The following PITPNC1 variants were observed in gnomAD, a reference collection of about 807,000 sequenced individuals.
The protein encoded by PITPNC1 is phosphatidylinositol transfer protein cytoplasmic 1, also known as cytoplasmic phosphatidylinositol transfer protein 1.
PITPNC1 carries 18 observed loss-of-function variants against 44.7 expected under a neutral mutation model. The observed-to-expected ratio is 0.40, with a 90% CI of 0.28 to 0.60. The LOEUF (loss-of-function observed/expected upper bound fraction) is 0.60. Among genes scored for constraint, PITPNC1 ranks in the 20% least tolerant of loss-of-function variants. The pLI is 0.39. For synonymous variants in PITPNC1, 141 were observed against 149.6 expected, an observed-to-expected ratio of 0.94 and a Z score of 0.42; for missense variants, 290 against 418.4, an observed-to-expected ratio of 0.69 and a Z score of 2.68.
intron 5 of PITPNC1, among the ~76,000 whole-genome samples, chr17:67,602,484 G>A (rs1424228348): frequency 6.6e-6 from 1 of 152,162 alleles, no homozygotes; most frequent in Non-Finnish European, 1.5e-5. Context: ...AAAGGAATGA[G>A]GAGGCTGGGC....
At chr17:67,417,981 C>T (rs539573502) in intron 1 of PITPNC1, among the ~76,000 whole-genome samples, 31 of 152,272 alleles carry the variant, frequency 2.0e-4, no homozygotes, top group African/African-American at 7.5e-4. Context: ...GAGGTCCAGG[C>T]TGCAGTGGAC....
At chr17:67,567,357 G>A (rs1248730398) in intron 4 of PITPNC1, among the ~76,000 whole-genome samples, 1 of 152,126 alleles carries the variant, frequency 6.6e-6, no homozygotes, top group African/African-American at 2.4e-5. Flanking sequence ...GGTGGCAGGT[G>A]CCTATAGTCC....
intron 1 of PITPNC1, among the ~76,000 whole-genome samples, chr17:67,422,721 G>T (rs767269538): frequency 1.3e-5 from 2 of 151,964 alleles, no homozygotes; most frequent in Admixed American, 1.3e-4. Flanking sequence ...TGTATTTTTA[G>T]TAGGGATGGG....
In PITPNC1 at chr17:67,693,765, C is replaced by G. The variant is rs2042967748; in HGVS notation, c.*877C>G. ...AGAATTCATTTACTATCTGCCCACT[C>G]AAAGAAGTACAAGGGTAGAGTAAGC... On this transcript the variant is annotated 3_prime_UTR_variant, in exon 9 of 9. Coordinates refer to ENST00000581322, the MANE Select transcript of PITPNC1 (RefSeq NM_012417.4). 1 of 152,184 alleles carries G rather than the reference C, an allele frequency of 6.6e-6. No homozygotes were observed. Among genetic ancestry groups the G allele is most frequent in the Non-Finnish European group, 1.5e-5 (1 of 68,032 alleles). 9.4% of individuals were successfully genotyped at this position (152,184 alleles called of 1,614,324 possible). A position where few individuals can be genotyped will look rare whatever the true frequency, so the allele number is the denominator to read the frequency against.
chr17:67,629,851 C>G (rs963395020), intron 5 of PITPNC1, among the ~76,000 whole-genome samples: 1 of 152,162 alleles, frequency 6.6e-6, no homozygotes, highest in Non-Finnish European at 1.5e-5. Context: ...AGAGCCAATC[C>G]AAGAACCAAT....
In PITPNC1 at chr17:67,378,122, T is replaced by A; in HGVS notation, c.-33T>A. 1 of 1,502,806 alleles carries A rather than the reference T, an allele frequency of 6.7e-7. No individual in the cohort carries two copies. Among genetic ancestry groups the A allele is most frequent in the Non-Finnish European group, 8.9e-7 (1 of 1,119,902 alleles). The allele number at this position is 1,502,806 out of a possible 1,614,324, so 93.1% of individuals were successfully genotyped here. A position where few individuals can be genotyped will look rare whatever the true frequency, so the allele number is the denominator to read the frequency against. ...TGCTGGTCTTGGGGGCGCCCCCCGC[T>A]TCCCGCCCCGGGGGTCCGCGGCCGG... On this transcript the variant is annotated 5_prime_UTR_variant, in exon 1 of 9. Coordinates refer to ENST00000581322, the MANE Select transcript of PITPNC1 (RefSeq NM_012417.4).
intron 2 of PITPNC1, among the ~76,000 whole-genome samples, chr17:67,537,439 AT>A (rs1297525583): frequency 6.6e-6 from 1 of 152,222 alleles, no homozygotes; most frequent in Non-Finnish European, 1.5e-5. Flanking sequence ...AATTTAAAAA[AT>A]TTTTTGTTTA....
At chr17:67,669,391 C>T (rs1041124920) in intron 6 of PITPNC1, 117 bp from the exon 7 acceptor site, 4 of 716,154 alleles carry the variant, frequency 5.6e-6, no homozygotes, top group African/African-American at 5.4e-5. Context: ...GCTGGGATTA[C>T]AGGCGTGAGC....
At chr17:67,636,889 T>G (rs999528875) in intron 6 of PITPNC1, among the ~76,000 whole-genome samples, 1 of 152,166 alleles carries the variant, frequency 6.6e-6, no homozygotes, top group African/African-American at 2.4e-5. Context: ...GGAGTTTCCT[T>G]CTAAAATGAA....
rs928890883 is a variant in PITPNC1 at position 67,529,568 on chromosome 17, C to T, written c.49-3234C>T. On this transcript the variant is annotated intron_variant, in intron 1 of 8. Coordinates refer to ENST00000581322, the MANE Select transcript of PITPNC1 (RefSeq NM_012417.4). Reference sequence around the variant, plus strand: ...CACCTCTATCCAAAAACACTTCCATCGCTCCAGAAGGAACCCCTGCACCTG... The same window carrying T: ...CACCTCTATCCAAAAACACTTCCATTGCTCCAGAAGGAACCCCTGCACCTG... Among the ~76,000 whole-genome samples, 12 of 152,328 alleles carry T rather than the reference C, an allele frequency of 7.9e-5. 1 individual carries two copies. In the South Asian group the frequency reaches 1.9e-3, roughly 24 times the overall value.
chr17:67,571,969 G>C (rs1331677006), intron 4 of PITPNC1, among the ~76,000 whole-genome samples: 5 of 152,326 alleles, frequency 3.3e-5, no homozygotes, highest in Admixed American at 2.0e-4. Context: ...TGGGACTCTG[G>C]AGGCCATCTC....
At chr17:67,684,129 T>TTG in intron 8 of PITPNC1, among the ~76,000 whole-genome samples, 1 of 147,268 alleles carries the variant, frequency 6.8e-6, no homozygotes. Context: ...TTTTTTTTTT[T>TTG]GAGACAGAGT....
At position 67,412,417 on chromosome 17, in the gene PITPNC1, T is replaced by G. The variant is rs949857763; in HGVS notation, c.48+34215T>G. Reference sequence around the variant, plus strand: ...TCTCCAACTCGACTGGAGACTAGGTTAAAATCTCAAAGACCTCATCCCTCA... The same window carrying G: ...TCTCCAACTCGACTGGAGACTAGGTGAAAATCTCAAAGACCTCATCCCTCA... On this transcript the variant is annotated intron_variant, in intron 1 of 8. Coordinates refer to ENST00000581322, the MANE Select transcript of PITPNC1 (RefSeq NM_012417.4). 3.3e-5 allele frequency among the ~76,000 whole-genome samples: 5 copies of G among 152,148 alleles called. No individual in the cohort carries two copies. In the South Asian group the frequency reaches 1.0e-3, roughly 32 times the overall value.
chr17:67,605,444 C>T lies in PITPNC1; in HGVS notation c.367-26699C>T, dbSNP rs533964267. Among the ~76,000 whole-genome samples the T allele has an allele frequency of 3.3e-5, 5 of 152,326 alleles. No homozygotes were observed. In the South Asian group the frequency reaches 8.3e-4, roughly 25 times the overall value. On this transcript the variant is annotated intron_variant, in intron 5 of 8. Coordinates refer to ENST00000581322, the MANE Select transcript of PITPNC1 (RefSeq NM_012417.4). ...TCCAGCCTGGGAACAGAGCTTGCTC[C>T]GGCCTGTGGCGAGTCCTCCCGGGGC...
chr17:67,452,104 A>C (rs1477439634), intron 1 of PITPNC1, among the ~76,000 whole-genome samples: 1 of 151,638 alleles, frequency 6.6e-6, no homozygotes, highest in Non-Finnish European at 1.5e-5. Context: ...TCCTGGGCTC[A>C]AGTGATCCTC....
chr17:67,467,274 GA>G (rs1323069630), intron 1 of PITPNC1, among the ~76,000 whole-genome samples: 1 of 151,722 alleles, frequency 6.6e-6, no homozygotes, highest in Non-Finnish European at 1.5e-5. Context: ...GGCTGGTCTC[GA>G]ACTCCTGACC....
intron 5 of PITPNC1, among the ~76,000 whole-genome samples, chr17:67,621,948 A>G (rs1268924146): frequency 1.3e-5 from 2 of 152,142 alleles, no homozygotes; most frequent in Non-Finnish European, 2.9e-5. Context: ...AAGACCCTGT[A>G]TCTATTTGCA....
chr17:67,529,289 G>A (rs1202486659), intron 1 of PITPNC1, among the ~76,000 whole-genome samples: 1 of 152,176 alleles, frequency 6.6e-6, no homozygotes, highest in African/African-American at 2.4e-5. Context: ...TCTGTGTCAT[G>A]CACTGACCTT....
At chr17:67,641,401 A>G (rs2042090849) in intron 6 of PITPNC1, among the ~76,000 whole-genome samples, 1 of 152,202 alleles carries the variant, frequency 6.6e-6, no homozygotes, top group Non-Finnish European at 1.5e-5. Context: ...AACTCACACT[A>G]TGCACACCAT....
Sources: allele counts gnomAD v4.1 joint callset (sites outside exome capture counted in the v4.1 genomes callset), GRCh38; gene constraint gnomAD v4.1.1; transcripts MANE v1.5; gene names NCBI Gene and HGNC (gene_info 2026-07-23, HGNC 2026-07-21).